Variants in HECTD2 observed in about 807,000 individuals in gnomAD.
The protein encoded by HECTD2 is HECT domain E3 ubiquitin protein ligase 2.
A neutral mutation model predicts 103.2 loss-of-function variants in HECTD2; 35 were observed. That is an observed-to-expected ratio of 0.34 (90% CI 0.26 to 0.45). The LOEUF (loss-of-function observed/expected upper bound fraction) is 0.45. Among genes scored for constraint, HECTD2 ranks in the 20% least tolerant of loss-of-function variants. HECTD2 has a pLI of 1.00. For missense variants in HECTD2, 596 were observed against 937.4 expected (o/e 0.64, Z 4.76); for synonymous variants, 281 against 329.9 (o/e 0.85, Z 1.61).
chr10:91,450,103 G>A (rs753314078), intron 2 of HECTD2, among the ~76,000 whole-genome samples: 1 of 152,084 alleles, frequency 6.6e-6, no homozygotes, highest in South Asian at 2.1e-4. Context: ...AAAGCTGGAG[G>A]CATCATTGCT....
chr10:91,420,091 C>T (rs983062189), intron 1 of HECTD2, among the ~76,000 whole-genome samples: 4 of 151,962 alleles, frequency 2.6e-5, no homozygotes, highest in Non-Finnish European at 2.9e-5. Context: ...TAAGATTTCT[C>T]TTGTATGAGC....
chr10:91,410,890 C>T (rs546415647), intron 1 of HECTD2, among the ~76,000 whole-genome samples: 25 of 152,216 alleles, frequency 1.6e-4, no homozygotes, highest in Non-Finnish European at 3.4e-4. Flanking sequence ...CTTGAGTCGG[C>T]ATGATCTGTT....
chr10:91,417,125 G>A (rs1019010630), intron 1 of HECTD2, among the ~76,000 whole-genome samples: 1 of 152,130 alleles, frequency 6.6e-6, no homozygotes, highest in African/African-American at 2.4e-5. Flanking sequence ...GAGAAGCTTT[G>A]ATTTCCCTAT....
At chr10:91,507,892 C>A (rs1471746028) in intron 20 of HECTD2, among the ~76,000 whole-genome samples, 2 of 132,884 alleles carry the variant, frequency 1.5e-5, no homozygotes, top group East Asian at 2.0e-4. Flanking sequence ...CTACAGTAAC[C>A]AAAACAGCAT....
intron 15 of HECTD2, among the ~76,000 whole-genome samples, chr10:91,497,126 ATTTTTTTTTTTTTT>A (rs56923120): frequency 1.0e-5 from 1 of 97,370 alleles, no homozygotes. Flanking sequence ...TGCCCGGCAA[ATTTTTTTTTTTTTT>A]TTTTTTTTTT....
chr10:91,457,549 A>G (rs1188954613), intron 2 of HECTD2, among the ~76,000 whole-genome samples: 2 of 152,048 alleles, frequency 1.3e-5, no homozygotes, highest in Non-Finnish European at 2.9e-5. Context: ...CTAACATGCT[A>G]AGAATGATTC....
At chr10:91,462,033 A>G in intron 4 of HECTD2, 62 bp from the exon 5 acceptor site, 1 of 1,281,740 alleles carries the variant, frequency 7.8e-7, no homozygotes, top group Non-Finnish European at 1.1e-6. Flanking sequence ...GTATGGTTCA[A>G]ATTTTACTAA....
intron 1 of HECTD2, among the ~76,000 whole-genome samples, chr10:91,418,646 C>T (rs1843227327): frequency 6.6e-6 from 1 of 151,708 alleles, no homozygotes; most frequent in African/African-American, 2.4e-5. Flanking sequence ...ATTTTGTAAC[C>T]CACCATCCTA....
intron 5 of HECTD2, among the ~76,000 whole-genome samples, chr10:91,472,526 A>G (rs1439228660): frequency 2.0e-5 from 3 of 152,248 alleles, no homozygotes; most frequent in Non-Finnish European, 2.9e-5. Context: ...GACAACCTGC[A>G]GAATAGGAGA....
chr10:91,424,875 AC>A (rs1327371132), intron 1 of HECTD2, among the ~76,000 whole-genome samples: 1 of 152,126 alleles, frequency 6.6e-6, no homozygotes, highest in African/African-American at 2.4e-5. Flanking sequence ...GTAAGGTATC[AC>A]ATGCATCCTA....
intron 2 of HECTD2, among the ~76,000 whole-genome samples, chr10:91,452,372 G>A (rs1844871452): frequency 6.6e-6 from 1 of 152,058 alleles, no homozygotes; most frequent in African/African-American, 2.4e-5. Context: ...CCAACAAAAA[G>A]ATCTTGAAAG....
At chr10:91,489,311 A>G (rs1163604872) in intron 11 of HECTD2, 1 of 152,156 alleles carries the variant, frequency 6.6e-6, no homozygotes, top group Non-Finnish European at 1.5e-5. Flanking sequence ...ATTTTATCTC[A>G]TAAATTGCCA....
chr10:91,467,230 C>T (rs769049817), intron 5 of HECTD2, among the ~76,000 whole-genome samples: 1 of 152,152 alleles, frequency 6.6e-6, no homozygotes, highest in Admixed American at 6.5e-5. Context: ...CCATGACCCC[C>T]ATGGACACTT....
chr10:91,452,578 T>C (rs1008616207), intron 2 of HECTD2, among the ~76,000 whole-genome samples: 4 of 152,044 alleles, frequency 2.6e-5, no homozygotes, highest in Non-Finnish European at 5.9e-5. Flanking sequence ...TGGGTTATCA[T>C]GGGAATAGGA....
intron 2 of HECTD2, among the ~76,000 whole-genome samples, chr10:91,427,571 T>G (rs1334319847): frequency 2.0e-5 from 3 of 152,196 alleles, no homozygotes; most frequent in Non-Finnish European, 4.4e-5. Flanking sequence ...TATCTCATTG[T>G]GGTTTTGATT....
intron 20 of HECTD2, 30 bp downstream of exon 20, chr10:91,501,364 A>C: frequency 7.0e-7 from 1 of 1,438,356 alleles, no homozygotes; most frequent in Non-Finnish European, 9.6e-7. Flanking sequence ...TTTATTTTAA[A>C]TCTAAAGGTT....
At chr10:91,500,650 G>A (rs984308715) in intron 19 of HECTD2, 33 bp downstream of exon 19, 5 of 1,001,222 alleles carry the variant, frequency 5.0e-6, no homozygotes, top group Non-Finnish European at 8.0e-6. Flanking sequence ...AGTGGGGGAT[G>A]TGGAGAGGGA....
intron 6 of HECTD2, among the ~76,000 whole-genome samples, chr10:91,479,419 T>C (rs1846016209): frequency 1.3e-5 from 2 of 152,222 alleles, no homozygotes; most frequent in South Asian, 4.1e-4. Context: ...AGTGTTTTTC[T>C]AGTCATCTTT....
intron 1 of HECTD2, among the ~76,000 whole-genome samples, chr10:91,417,817 A>G (rs1329948607): frequency 2.0e-5 from 3 of 152,180 alleles, no homozygotes; most frequent in African/African-American, 7.2e-5. Context: ...ATAGTGCCGC[A>G]ATAAACATAC....
Sources: gnomAD v4.1 joint callset for allele counts (sites outside exome capture counted in the v4.1 genomes callset) on GRCh38, gnomAD v4.1.1 for gene constraint, MANE v1.5 for transcripts, NCBI Gene and HGNC (gene_info 2026-07-23, HGNC 2026-07-21) for gene names.